MCRS1: variants seen among roughly 807,000 people sequenced by gnomAD.
MCRS1 encodes microspherule protein 1.
In MCRS1, 22 loss-of-function variants were observed where a neutral mutation model predicts 62.9. The observed-to-expected ratio is 0.35, with a 90% CI of 0.25 to 0.50. The LOEUF (loss-of-function observed/expected upper bound fraction) is 0.50, where lower values mean the gene tolerates loss of function less well. Among genes scored for constraint, MCRS1 ranks in the 20% least tolerant of loss-of-function variants. MCRS1 has a pLI of 0.98. For synonymous variants in MCRS1, 244 were observed against 233.5 expected (o/e 1.04, Z -0.41); for missense variants, 456 against 601.1 (o/e 0.76, Z 2.52).
intron 8 of MCRS1, among the ~76,000 whole-genome samples, chr12:49,560,969 C>T (rs1480119227): frequency 1.3e-5 from 2 of 151,858 alleles, no homozygotes; most frequent in Non-Finnish European, 2.9e-5. Flanking sequence ...TTCATTTTTT[C>T]AAAAAATGAA....
At chr12:49,560,215 G>C in intron 9 of MCRS1, 80 bp downstream of exon 9, 1 of 1,486,352 alleles carries the variant, frequency 6.7e-7, no homozygotes, top group South Asian at 1.1e-5. Flanking sequence ...CCAAGGGCTG[G>C]GGCTGGGCAG....
At chr12:49,562,688 T>C (rs1001438810) in intron 8 of MCRS1, among the ~76,000 whole-genome samples, 5 of 152,190 alleles carry the variant, frequency 3.3e-5, no homozygotes, top group African/African-American at 9.7e-5. Flanking sequence ...TAATAATTCA[T>C]GTGTTATTTA....
At chr12:49,566,330 T>C in intron 2 of MCRS1, 115 bp from the exon 3 acceptor site, 4 of 1,493,640 alleles carry the variant, frequency 2.7e-6, no homozygotes, top group Admixed American at 1.9e-5. Context: ...CCCTGCCTCC[T>C]TGACACTTGA....
chr12:49,566,301 C>T (rs1939056708), intron 2 of MCRS1, 86 bp from the exon 3 acceptor site: 2 of 1,558,860 alleles, frequency 1.3e-6, no homozygotes, highest in Admixed American at 1.8e-5. Context: ...CCTTCCCCTG[C>T]CAGCCCTCTT....
chr12:49,565,276 T>A, intron 4 of MCRS1: 1 of 985,376 alleles, frequency 1.0e-6, no homozygotes, highest in Non-Finnish European at 1.2e-6. Context: ...GCTCCCAGAA[T>A]AGATGCATGC....
chr12:49,561,633 CTTTT>C (rs1285814350), intron 8 of MCRS1, among the ~76,000 whole-genome samples: 1 of 152,236 alleles, frequency 6.6e-6, no homozygotes, highest in East Asian at 1.9e-4. Flanking sequence ...ACTTTCTTTT[CTTTT>C]TTCTTTTTTT....
rs753895615 is a variant in MCRS1 at position 49,559,404 on chromosome 12, C to A, written c.1086+49G>T. The A allele has an allele frequency of 6.2e-6, 10 of 1,611,560 alleles. No individual in the cohort carries two copies. Among genetic ancestry groups the A allele is most frequent in the South Asian group, 1.1e-5 (1 of 91,018 alleles). ...AAACCAAGGACTACGCAGAGAAAGG[C>A]ACTGACAGAGGAAGCAGCCTAAGAA... On this transcript the variant is annotated intron_variant, in intron 12 of 14. Coordinates refer to ENST00000343810, the MANE Select transcript of MCRS1 (RefSeq NM_006337.5). The surrounding 1 kb of genome is among the most constrained non-coding windows in gnomAD (Gnocchi z 5.2).
chr12:49,565,968 C>T, intron 3 of MCRS1, 109 bp downstream of exon 3: 1 of 1,456,690 alleles, frequency 6.9e-7, no homozygotes, highest in Non-Finnish European at 9.3e-7. Flanking sequence ...AATACTAAGG[C>T]CCCAGAGGGG....
chr12:49,563,471 C>G lies in MCRS1; in HGVS notation c.633G>C (p.Lys211Asn), dbSNP rs1264299699. 1.2e-6 allele frequency: 2 copies of G among 1,612,836 alleles called. No homozygotes were observed. Among genetic ancestry groups the G allele is most frequent in the African/African-American group, 1.3e-5 (1 of 74,920 alleles). ...AAIQSKALFSKAEEQLLSKVG... is the reference protein window; with the variant it reads ...AAIQSKALFSNAEEQLLSKVG... ...CTTTGCTCAGCAGCTGCTCCTCAGC[C>G]TTGCTAAACAGGGCCTTGCTCTGGA... The change falls in exon 7 of 15, where the codon AAG (lysine) becomes AAC (asparagine). Residue 211 changes from lysine to asparagine, a missense_variant. Physicochemically the swap from Lys to Asn is moderately conservative, Grantham distance 94. Transcript: ENST00000343810.
chr12:49,565,038 A>AG lies in MCRS1; in HGVS notation c.289-144dup, dbSNP rs1044508392. ...AACTCCAGCCCACAACAGGAAGCACAGGAAAGGAGCTCAGCTTTCTAATAC... is the reference window on the plus strand; with the variant it reads ...AACTCCAGCCCACAACAGGAAGCACAGGGAAAGGAGCTCAGCTTTCTAATAC... On this transcript the variant is annotated intron_variant, in intron 4 of 14. Transcript: ENST00000343810. The AG allele has an allele frequency of 5.7e-6, 8 of 1,403,902 alleles. No homozygotes were observed. In the African/African-American group the frequency reaches 1.0e-4, roughly 18 times the overall value. The allele number at this position is 1,403,902 out of a possible 1,614,324, so 87.0% of individuals were successfully genotyped here. A position where few individuals can be genotyped will look rare whatever the true frequency, so the allele number is the denominator to read the frequency against.
rs567380666 is a variant in MCRS1 at position 49,559,290 on chromosome 12, G to A, written c.1098C>T (p.Gly366=). The A allele has an allele frequency of 3.7e-6, 6 of 1,614,142 alleles. No homozygotes were observed. In the East Asian group the frequency reaches 8.9e-5, roughly 24 times the overall value. ...CAATCTGGTTATCCTTGGTTGCTCT[G>A]CCCAGGGTGATCTGGGGAAATGGGG... ...YLMRSREITL[G]RATKDNQIDV... is the part of the protein sequence containing the mutation. The change falls in exon 13 of 15, where the codon GGC becomes GGT. Residue 366 remains glycine, a synonymous_variant. Coordinates refer to ENST00000343810, the MANE Select transcript of MCRS1 (RefSeq NM_006337.5). The surrounding 1 kb of genome is among the most constrained non-coding windows in gnomAD (Gnocchi z 5.2).
At chr12:49,567,258 G>A (rs1939110981) in intron 1 of MCRS1, among the ~76,000 whole-genome samples, 2 of 152,040 alleles carry the variant, frequency 1.3e-5, no homozygotes, top group Admixed American at 6.5e-5. Flanking sequence ...AAAAGAAAGG[G>A]AGACAAAACT....
rs754792268 is a variant in MCRS1, at chr12:49,566,782, C to T, written c.-51G>A. ...TTCCAAACCACCGGGCTAGGAGGAA[C>T]GGTCCCACAGGCTCATCCAAGGATT... is the stretch of plus-strand genomic sequence containing the variant. On this transcript the variant is annotated 5_prime_UTR_variant, in exon 2 of 15. Transcript: ENST00000343810. 5.0e-6 allele frequency: 8 copies of T among 1,607,698 alleles called. No homozygotes were observed. The Admixed American group carries it at 6.7e-5, about 13-fold the overall frequency.
chr12:49,558,325 T>A lies in MCRS1; in HGVS notation c.*318A>T, dbSNP rs1938560091. The A allele has an allele frequency of 7.4e-6, 3 of 404,704 alleles. No individual in the cohort carries two copies. The highest frequency in any genetic ancestry group is 1.3e-5 in the Non-Finnish European group (3 of 230,346). The allele number at this position is 404,704 out of a possible 1,614,324, so 25.1% of individuals were successfully genotyped here. On this transcript the variant is annotated 3_prime_UTR_variant, in exon 15 of 15. Coordinates refer to ENST00000343810, the MANE Select transcript of MCRS1 (RefSeq NM_006337.5). ...ACTTTGGAACCTGGTGCTTTTTATT[T>A]ACAAAAGAAAAACAATAAAAGAAGA... is the stretch of plus-strand genomic sequence containing the variant.
chr12:49,565,025 C>T (rs1938980846), intron 4 of MCRS1, 130 bp from the exon 5 acceptor site: 3 of 1,416,456 alleles, frequency 2.1e-6, no homozygotes, highest in Non-Finnish European at 2.8e-6. Flanking sequence ...CTCCAGCCCA[C>T]AACAGGAAGC....
Position 49,560,326 on chromosome 12 carries a change from C to T in MCRS1, c.850G>A (p.Ala284Thr). The part of the protein sequence containing the change: ...KGDQVLNFSD[A>T]EDLIDDSKLK... ...TTACTGTCATCAATCAGGTCCTCTG[C>T]ATCAGAGAAGTTCAGCACTTGGTCC... Residue 284 changes from alanine (A) to threonine (T), a missense_variant, in exon 9 of 15, where the codon GCA becomes ACA. Ala to Thr is a moderately conservative substitution (Grantham distance 58). Coordinates refer to ENST00000343810, the MANE Select transcript of MCRS1 (RefSeq NM_006337.5). 1.2e-6 allele frequency: 2 copies of T among 1,614,242 alleles called. No homozygotes were observed. The highest frequency in any genetic ancestry group is 1.7e-6 in the Non-Finnish European group (2 of 1,180,040).
At chr12:49,560,201 G>C in intron 9 of MCRS1, 94 bp downstream of exon 9, 1 of 1,395,936 alleles carries the variant, frequency 7.2e-7, no homozygotes, top group Non-Finnish European at 1.0e-6. Flanking sequence ...GCACCAACGG[G>C]AGCCCAAGGG....
intron 9 of MCRS1, 65 bp downstream of exon 9, chr12:49,560,230 G>C: frequency 6.4e-7 from 1 of 1,551,190 alleles, no homozygotes; most frequent in Non-Finnish European, 8.9e-7. Flanking sequence ...GGGCAGCCTG[G>C]GGCGCTCTAC....
At chr12:49,564,387 C>T in intron 6 of MCRS1, 94 bp downstream of exon 6, 1 of 1,053,318 alleles carries the variant, frequency 9.5e-7, no homozygotes, top group Non-Finnish European at 1.4e-6. Context: ...GCCTCCCAGA[C>T]CCCTCCTGGG....
Sources: gnomAD v4.1 joint callset for allele counts (sites outside exome capture counted in the v4.1 genomes callset) on GRCh38, gnomAD v4.1.1 for gene constraint, Gnocchi (gnomAD v3.1) non-coding constraint, MANE v1.5 for transcripts, NCBI Gene and HGNC (gene_info 2026-07-23, HGNC 2026-07-21) for gene names.